The following CNGA1 variants were observed in gnomAD, a reference collection of about 807,000 sequenced individuals.
CNGA1 encodes the protein cyclic nucleotide gated channel subunit alpha 1, also known as cyclic nucleotide-gated channel alpha-1.
Under a neutral mutation model 69.7 loss-of-function variants are expected in CNGA1, and 53 were observed. The ratio of observed to expected loss-of-function variants is 0.76; its 90% CI spans 0.61 to 0.96. The LOEUF is 0.96. Ranked by LOEUF, CNGA1 falls within the 40% of genes least tolerant of loss-of-function variation. CNGA1 has a pLI of 0.00. For missense variants in CNGA1, 739 were observed against 811.2 expected, an observed-to-expected ratio of 0.91 and a Z score of 1.08; for synonymous variants, 249 against 283.5, an observed-to-expected ratio of 0.88 and a Z score of 1.22.
At chr4:48,011,412 TAC>T (rs60964628) in intron 1 of CNGA1, among the ~76,000 whole-genome samples, 25,500 of 150,260 alleles carry the variant, frequency 0.17, 2,302 homozygotes, top group Middle Eastern at 0.24. Context: ...CATGCACACA[TAC>T]ACACACACAC....
Position 47,936,807 on chromosome 4 carries a change from C to T in CNGA1, c.1675G>A (p.Ala559Thr). The T allele has an allele frequency of 6.2e-7, 1 of 1,614,080 alleles. No individual in the cohort carries two copies. Among genetic ancestry groups the T allele is most frequent in the South Asian group, 1.1e-5 (1 of 91,074 alleles). ...GAGTAGCCAATACTTTTAATATTGG[C>T]CGTTCTTCGATTGCCAGCTTTGCTC... ...KGSKAGNRRT[A>T]NIKSIGYSDL... Residue 559 changes from alanine (A) to threonine (T), a missense_variant, in exon 11 of 11, where the codon GCC becomes ACC. Physicochemically the swap from Ala to Thr is moderately conservative, Grantham distance 58. Coordinates refer to ENST00000514170, the MANE Select transcript of CNGA1 (RefSeq NM_001379270.1).
chr4:47,992,356 A>T (rs1224741405), intron 2 of CNGA1, among the ~76,000 whole-genome samples: 1 of 152,000 alleles, frequency 6.6e-6, no homozygotes, highest in African/African-American at 2.4e-5. Flanking sequence ...AGTGTTTTGT[A>T]GTTTTCCTTG....
In CNGA1 at chr4:47,936,892, C is replaced by T. The variant is rs746572064; in HGVS notation, c.1590G>A (p.Gln530=). ...LAVVADDGVT[Q]FVVLSDGSYF... ...AGCTGCCATCGCTCAATACCACAAA[C>T]TGAGTGACTCCATCATCTGCCACCA... The change falls in exon 11 of 11, where the codon CAG becomes CAA. Residue 530 remains glutamine, a synonymous_variant. Transcript: ENST00000514170. 2 of 1,614,162 alleles carry T rather than the reference C, an allele frequency of 1.2e-6. No individual in the cohort carries two copies. The highest frequency in any genetic ancestry group is 1.7e-6 in the Non-Finnish European group (2 of 1,180,032).
At chr4:47,971,115 T>C (rs1442471968) in intron 3 of CNGA1, 4 of 451,470 alleles carry the variant, frequency 8.9e-6, no homozygotes, top group South Asian at 6.3e-5. Context: ...AAAAAAAAAA[T>C]ACAGTATGCT....
intron 3 of CNGA1, among the ~76,000 whole-genome samples, chr4:47,959,932 T>C (rs994668443): frequency 0.02 from 3,012 of 152,252 alleles, 123 homozygotes; most frequent in African/African-American, 0.069. Context: ...ATGCATTGGA[T>C]ATCATCAAAA....
chr4:47,948,587 C>A (rs1369571902), intron 6 of CNGA1, among the ~76,000 whole-genome samples: 1 of 152,144 alleles, frequency 6.6e-6, no homozygotes, highest in Non-Finnish European at 1.5e-5. Context: ...TACGGCTACT[C>A]CCCAGCCACT....
In CNGA1 at chr4:47,936,729, G is replaced by A. The variant is rs778010980; in HGVS notation, c.1753C>T (p.Pro585Ser). 1 of 1,614,048 alleles carries A rather than the reference G, an allele frequency of 6.2e-7. No homozygotes were observed. The highest frequency in any genetic ancestry group is 1.1e-5 in the South Asian group (1 of 91,076). The part of the protein sequence containing the change: ...DDLMEALTEY[P>S]DAKTMLEEKG... ...TCTTCCAGCATAGTTTTGGCATCTGGGTACTCAGTTAGAGCTTCCATGAGG... is the reference window on the plus strand; with the variant it reads ...TCTTCCAGCATAGTTTTGGCATCTGAGTACTCAGTTAGAGCTTCCATGAGG... Residue 585 changes from proline (P) to serine (S), a missense_variant, in exon 11 of 11, where the codon CCA (proline) becomes TCA (serine). Transcript: ENST00000514170.
chr4:47,941,160 A>G (rs1009451190), intron 9 of CNGA1, among the ~76,000 whole-genome samples: 1 of 152,222 alleles, frequency 6.6e-6, no homozygotes, highest in African/African-American at 2.4e-5. Flanking sequence ...AGTAAGACAG[A>G]AGGAATAAAT....
At chr4:47,968,240 G>A (rs1042141352) in intron 3 of CNGA1, among the ~76,000 whole-genome samples, 2 of 152,066 alleles carry the variant, frequency 1.3e-5, no homozygotes, top group African/African-American at 2.4e-5. Flanking sequence ...GAGATATTTT[G>A]TTTAGAAATT....
At chr4:47,962,657 A>G (rs1740515690) in intron 3 of CNGA1, among the ~76,000 whole-genome samples, 1 of 152,204 alleles carries the variant, frequency 6.6e-6, no homozygotes, top group Non-Finnish European at 1.5e-5. Flanking sequence ...TATAGTAGTT[A>G]TGTGAACCAG....
chr4:48,004,197 CCT>C (rs1208133927), intron 2 of CNGA1, among the ~76,000 whole-genome samples: 1 of 152,212 alleles, frequency 6.6e-6, no homozygotes, highest in Non-Finnish European at 1.5e-5. Context: ...GAAAGGGCCC[CCT>C]GTCCAGTGGA....
chr4:47,951,736 A>G (rs1383290907), intron 4 of CNGA1, among the ~76,000 whole-genome samples: 1 of 152,234 alleles, frequency 6.6e-6, no homozygotes, highest in Non-Finnish European at 1.5e-5. Flanking sequence ...GCATTGGTTG[A>G]TGTTAATATT....
intron 3 of CNGA1, among the ~76,000 whole-genome samples, chr4:47,962,652 T>C (rs1169051502): frequency 1.3e-5 from 2 of 152,166 alleles, no homozygotes; most frequent in South Asian, 2.1e-4. Flanking sequence ...CTCAATATAG[T>C]AGTTATGTGA....
intron 2 of CNGA1, among the ~76,000 whole-genome samples, chr4:48,007,902 TTA>T (rs1417103309): frequency 2.6e-5 from 4 of 152,104 alleles, no homozygotes; most frequent in Non-Finnish European, 5.9e-5. Context: ...AAACAAAAAC[TTA>T]TATGAGTTGA....
chr4:47,957,061 G>A (rs1740134753), intron 3 of CNGA1, among the ~76,000 whole-genome samples: 1 of 152,090 alleles, frequency 6.6e-6, no homozygotes, highest in Admixed American at 6.5e-5. Flanking sequence ...GGTCTCCCAA[G>A]TAGCTGGGAT....
chr4:47,982,513 T>C (rs1392414389), intron 2 of CNGA1, among the ~76,000 whole-genome samples: 2 of 152,082 alleles, frequency 1.3e-5, no homozygotes. Flanking sequence ...ATATAAAACA[T>C]GCTTCATAAA....
rs1281656808 is a variant in CNGA1, at chr4:47,937,256, C to T, written c.1226G>A (p.Arg409Lys). ...CATATATTGCTTGATAGCATCAATT[C>T]TTGCTTGAAATTCTGCTCTGGCTGC... Reference protein sequence around the residue: ...MNAARAEFQARIDAIKQYMHF... With the variant: ...MNAARAEFQAKIDAIKQYMHF... The change falls in exon 11 of 11, where the codon AGA (arginine) becomes AAA (lysine). Residue 409 changes from arginine (R) to lysine (K), a missense_variant. Physicochemically the swap from Arg to Lys is conservative, Grantham distance 26. Coordinates refer to ENST00000514170, the MANE Select transcript of CNGA1 (RefSeq NM_001379270.1). 9.9e-6 allele frequency: 16 copies of T among 1,614,008 alleles called. No individual in the cohort carries two copies. The highest frequency in any genetic ancestry group is 1.4e-5 in the Non-Finnish European group (16 of 1,180,022).
intron 2 of CNGA1, among the ~76,000 whole-genome samples, chr4:47,994,957 A>C (rs1051764354): frequency 6.6e-6 from 1 of 152,306 alleles, no homozygotes; most frequent in African/African-American, 2.4e-5. Context: ...CACTGGATAC[A>C]CAATTGTTGG....
chr4:48,005,338 G>A (rs529295390), intron 2 of CNGA1, among the ~76,000 whole-genome samples: 48 of 151,914 alleles, frequency 3.2e-4, no homozygotes, highest in East Asian at 7.7e-4. Context: ...GGCTGGTCTC[G>A]AACTCCTGAA....
Sources: allele counts gnomAD v4.1 joint callset (sites outside exome capture counted in the v4.1 genomes callset), GRCh38; gene constraint gnomAD v4.1.1; transcripts MANE v1.5; gene names NCBI Gene and HGNC (gene_info 2026-07-23, HGNC 2026-07-21).